The following RASEF variants were observed in gnomAD, a reference collection of about 807,000 sequenced individuals.
The protein encoded by RASEF is RAS and EF-hand domain containing.
In RASEF, 68 loss-of-function variants were observed where a neutral mutation model predicts 90.1. That is an observed-to-expected ratio of 0.75 (90% CI 0.62 to 0.92). The LOEUF (loss-of-function observed/expected upper bound fraction) is 0.92. RASEF is among the 40% of genes least tolerant of loss of function. The probability of loss-of-function intolerance (pLI) is 0.00; values close to 1 mark genes in which losing one functional copy is unlikely to be tolerated. For missense variants in RASEF, 949 were observed against 937.2 expected, an observed-to-expected ratio of 1.01 and a Z score of -0.16; for synonymous variants, 331 against 345.2, an observed-to-expected ratio of 0.96 and a Z score of 0.46.
the RASEF span, among the ~76,000 whole-genome samples, chr9:83,154,415 A>G: frequency 5.9e-5 from 9 of 152,230 alleles, no homozygotes; most frequent in South Asian, 1.9e-3. Flanking sequence ...TACCATCCAC[A>G]GTCCTTATTT....
chr9:83,218,874 C>A, the RASEF span, among the ~76,000 whole-genome samples: 6 of 152,124 alleles, frequency 3.9e-5, no homozygotes, highest in Non-Finnish European at 8.8e-5. Flanking sequence ...TTTACAGAAG[C>A]CACATACCTG....
the RASEF span, among the ~76,000 whole-genome samples, chr9:83,207,782 A>G: frequency 6.6e-6 from 1 of 151,910 alleles, no homozygotes; most frequent in Admixed American, 6.6e-5. Context: ...TAATTTTTAT[A>G]TTTTTAGTAG....
In RASEF at chr9:83,005,391, TACATGGTAAA is replaced by T; in HGVS notation, c.1113+15_1113+24del. ...TACTCCACCACTAGAAAGAATGAAA[TACATGGTAAA>T]ACTATGTGGCATACCAAAGATCTGT... On this transcript the variant is annotated intron_variant, in intron 8 of 16. Transcript: ENST00000376447. 6.6e-7 allele frequency: 1 copy of T among 1,525,696 alleles called. No individual in the cohort carries two copies. Among genetic ancestry groups the T allele is most frequent in the Non-Finnish European group, 9.1e-7 (1 of 1,099,806 alleles). 94.5% of individuals were successfully genotyped at this position (1,525,696 alleles called of 1,614,324 possible). A position where few individuals can be genotyped will look rare whatever the true frequency, so the allele number is the denominator to read the frequency against.
chr9:83,168,625 A>G, the RASEF span, among the ~76,000 whole-genome samples: 1 of 152,186 alleles, frequency 6.6e-6, no homozygotes, highest in African/African-American at 2.4e-5. Flanking sequence ...GCAAAAAAGC[A>G]AATACTCCAA....
At chr9:82,984,784 G>C (rs951547196) in intron 16 of RASEF, among the ~76,000 whole-genome samples, 1 of 152,166 alleles carries the variant, frequency 6.6e-6, no homozygotes, top group Non-Finnish European at 1.5e-5. Flanking sequence ...GCAAAATCTT[G>C]GTCGTTCTGT....
chr9:83,101,963 C>T, the RASEF span, among the ~76,000 whole-genome samples: 1 of 152,106 alleles, frequency 6.6e-6, no homozygotes, highest in African/African-American at 2.4e-5. Context: ...CGCATCACAG[C>T]CTTCTTGCAC....
intron 16 of RASEF, among the ~76,000 whole-genome samples, chr9:82,984,751 G>T (rs1274496675): frequency 6.6e-6 from 1 of 152,162 alleles, no homozygotes; most frequent in East Asian, 1.9e-4. Flanking sequence ...AAGGACAACG[G>T]AAGAGTAACA....
chr9:83,191,421 C>T, the RASEF span, among the ~76,000 whole-genome samples: 1 of 152,212 alleles, frequency 6.6e-6, no homozygotes, highest in African/African-American at 2.4e-5. Flanking sequence ...ATAGCTACCC[C>T]TTTATTACTT....
the RASEF span, among the ~76,000 whole-genome samples, chr9:83,161,092 G>C: frequency 1.3e-5 from 2 of 152,166 alleles, no homozygotes; most frequent in African/African-American, 4.8e-5. Flanking sequence ...GGAAATGTGG[G>C]GTCTGAGCCC....
At chr9:83,146,908 ATAG>A in the RASEF span, among the ~76,000 whole-genome samples, 1 of 152,070 alleles carries the variant, frequency 6.6e-6, no homozygotes, top group African/African-American at 2.4e-5. Context: ...ATAAAAGGTG[ATAG>A]TAGAATCTTC....
chr9:83,010,387 G>A lies in RASEF; in HGVS notation c.844-631C>T, dbSNP rs1252311361. Among the ~76,000 whole-genome samples the A allele has an allele frequency of 3.9e-5, 6 of 152,248 alleles. No individual in the cohort carries two copies. The East Asian group carries it at 1.2e-3, about 29-fold the overall frequency. On this transcript the variant is annotated intron_variant, in intron 5 of 16. Transcript: ENST00000376447. ...GTTAAAAGAATGGAAGAGCAGCCCA[G>A]AGCATTCAAGTGACTTAAATGCACT...
At chr9:83,055,264 C>A (rs1830081496) in intron 1 of RASEF, 1 of 313,906 alleles carries the variant, frequency 3.2e-6, no homozygotes, top group African/African-American at 2.3e-5. Flanking sequence ...GTTTCTTAAG[C>A]CGGTCTGAAA....
chr9:83,033,423 G>A (rs1829680693), intron 1 of RASEF, among the ~76,000 whole-genome samples: 1 of 152,126 alleles, frequency 6.6e-6, no homozygotes, highest in South Asian at 2.1e-4. Context: ...ATGCATAGAT[G>A]TCAACTAGGC....
the RASEF span, among the ~76,000 whole-genome samples, chr9:83,198,868 G>A: frequency 1.3e-5 from 2 of 151,994 alleles, no homozygotes; most frequent in African/African-American, 4.8e-5. Flanking sequence ...AGGGATAAAT[G>A]TAGAGAAAAC....
the RASEF span, among the ~76,000 whole-genome samples, chr9:83,210,150 A>T: frequency 1.3e-5 from 2 of 152,192 alleles, no homozygotes; most frequent in South Asian, 2.1e-4. Context: ...TTATACATGA[A>T]AAATCCTTTC....
the RASEF span, among the ~76,000 whole-genome samples, chr9:83,180,411 GTT>G: frequency 6.6e-6 from 1 of 151,650 alleles, no homozygotes; most frequent in Non-Finnish European, 1.5e-5. Context: ...AATCACAGCA[GTT>G]TTATTCAAGT....
At chr9:83,022,497 T>C in intron 2 of RASEF, 71 bp from the exon 3 acceptor site, 1 of 1,101,968 alleles carries the variant, frequency 9.1e-7, no homozygotes, top group Non-Finnish European at 1.4e-6. Context: ...AACTTCAGAT[T>C]CATCTACGTT....
the RASEF span, among the ~76,000 whole-genome samples, chr9:83,081,446 C>A: frequency 6.6e-6 from 1 of 151,990 alleles, no homozygotes; most frequent in Non-Finnish European, 1.5e-5. Flanking sequence ...CATTTCTGGC[C>A]TGAAAAATAG....
rs748612095 is a variant in RASEF, at chr9:83,004,630, T to C, written c.1114-44A>G. Reference sequence around the variant, plus strand: ...CATTTGTTAGTTCATGTAATTTTCATGTAAACATTTTATATACACATAGGT... The same window carrying C: ...CATTTGTTAGTTCATGTAATTTTCACGTAAACATTTTATATACACATAGGT... On this transcript the variant is annotated intron_variant, in intron 8 of 16. Transcript: ENST00000376447. 7.2e-6 allele frequency: 9 copies of C among 1,246,192 alleles called. No individual in the cohort carries two copies. In the African/African-American group the frequency reaches 1.0e-4, roughly 14 times the overall value. 77.2% of individuals were successfully genotyped at this position (1,246,192 alleles called of 1,614,324 possible).
Sources: allele counts gnomAD v4.1 joint callset (sites outside exome capture counted in the v4.1 genomes callset), GRCh38; gene constraint gnomAD v4.1.1; transcripts MANE v1.5; gene names NCBI Gene and HGNC (gene_info 2026-07-23, HGNC 2026-07-21).